Variants in PPRC1 observed in about 807,000 individuals in gnomAD.
The protein encoded by PPRC1 is peroxisome proliferator-activated receptor gamma coactivator-related protein 1.
Under a neutral mutation model 132.5 loss-of-function variants are expected in PPRC1, and 23 were observed. The observed-to-expected ratio is 0.17, with a 90% CI of 0.12 to 0.25. The LOEUF is 0.25. Among genes scored for constraint, PPRC1 ranks in the 10% least tolerant of loss-of-function variants. The pLI is 1.00. For synonymous variants in PPRC1, 872 were observed against 833.5 expected, an observed-to-expected ratio of 1.05 and a Z score of -0.80; for missense variants, 2,006 against 2,089.1, an observed-to-expected ratio of 0.96 and a Z score of 0.78.
intron 1 of PPRC1, among the ~76,000 whole-genome samples, chr10:102,136,849 C>G (rs1458185833): frequency 6.6e-6 from 1 of 152,198 alleles, no homozygotes; most frequent in African/African-American, 2.4e-5. Context: ...ACACTCTTGA[C>G]AGGTCTGGGC....
intron 2 of PPRC1, 145 bp from the exon 3 acceptor site, chr10:102,138,474 C>A: frequency 2.0e-6 from 2 of 990,580 alleles, no homozygotes; most frequent in Admixed American, 2.7e-5. Flanking sequence ...GATTGGAATC[C>A]ATGCCTTCTG....
chr10:102,149,876 T>C, intron 13 of PPRC1, 50 bp from the exon 14 acceptor site: 1 of 1,400,504 alleles, frequency 7.1e-7, no homozygotes, highest in Non-Finnish European at 1.0e-6. Flanking sequence ...GCAGACCCTG[T>C]GGTTGGGAAG....
intron 7 of PPRC1, chr10:102,144,596 T>A: frequency 1.9e-6 from 1 of 513,434 alleles, no homozygotes; most frequent in South Asian, 2.4e-5. Flanking sequence ...ATTTCTTTCT[T>A]TCATTTAATA....
chr10:102,120,499 G>C, the PPRC1 span: 1 of 496,800 alleles, frequency 2.0e-6, no homozygotes. Flanking sequence ...GCCCAAGCCG[G>C]GCAGGGCCGG....
chr10:102,124,358 C>T, the PPRC1 span, among the ~76,000 whole-genome samples: 4 of 150,090 alleles, frequency 2.7e-5, no homozygotes, highest in South Asian at 2.1e-4. Context: ...CCACCGCGCC[C>T]GGCCTTCTTT....
the PPRC1 span, among the ~76,000 whole-genome samples, chr10:102,125,479 C>T: frequency 4.0e-5 from 6 of 151,818 alleles, no homozygotes; most frequent in African/African-American, 9.7e-5. Context: ...AGGATGATCT[C>T]GATCTCTTGA....
Position 102,141,838 on chromosome 10 carries a change from G to A in PPRC1, c.3330G>A (p.Arg1110=), listed in dbSNP as rs1170417669. Residue 1110 remains arginine (R), a synonymous_variant, in exon 5 of 14, where the codon AGG becomes AGA. Transcript: ENST00000278070. The part of the protein sequence containing the change: ...LKPETQETRP[R]EKPPLPATKA... ...CTGAGACCCAAGAGACCAGGCCCAG[G>A]GAGAAGCCCCCCTTGCCTGCTACCA... 1 of 1,614,046 alleles carries A rather than the reference G, an allele frequency of 6.2e-7. No homozygotes were observed. The highest frequency in any genetic ancestry group is 8.5e-7 in the Non-Finnish European group (1 of 1,179,988).
chr10:102,120,333 C>T, the PPRC1 span: 1 of 984,362 alleles, frequency 1.0e-6, no homozygotes, highest in Non-Finnish European at 1.2e-6. Context: ...GCGGCCTCTG[C>T]GTGTGTGCGC....
chr10:102,124,787 T>C, the PPRC1 span, among the ~76,000 whole-genome samples: 7 of 151,524 alleles, frequency 4.6e-5, no homozygotes, highest in Admixed American at 2.0e-4. Flanking sequence ...GGACTATAGG[T>C]ACACACCACT....
At chr10:102,147,806 G>A (rs191776783) in intron 9 of PPRC1, among the ~76,000 whole-genome samples, 1 of 152,252 alleles carries the variant, frequency 6.6e-6, no homozygotes. Context: ...GTTCCTTTGG[G>A]TGTCACTATG....
Position 102,139,726 on chromosome 10 carries a change from C to A in PPRC1, c.1218C>A (p.Thr406=). 1 of 1,614,104 alleles carries A rather than the reference C, an allele frequency of 6.2e-7. No individual in the cohort carries two copies. Among genetic ancestry groups the A allele is most frequent in the Non-Finnish European group, 8.5e-7 (1 of 1,180,044 alleles). ...SETEAAVPKV[T]LCSEKEGLSL... ...CAGAGGCTGCTGTGCCCAAGGTAACCCTCTGCTCTGAGAAAGAGGGGTTGT... is the reference window on the plus strand; with the variant it reads ...CAGAGGCTGCTGTGCCCAAGGTAACACTCTGCTCTGAGAAAGAGGGGTTGT... The change falls in exon 5 of 14, where the codon ACC becomes ACA. Residue 406 remains threonine, a synonymous_variant. Coordinates refer to ENST00000278070, the MANE Select transcript of PPRC1 (RefSeq NM_015062.5).
At chr10:102,135,981 C>T (rs902023663) in intron 1 of PPRC1, among the ~76,000 whole-genome samples, 1 of 152,118 alleles carries the variant, frequency 6.6e-6, no homozygotes, top group African/African-American at 2.4e-5. Flanking sequence ...GTGTCTCTGA[C>T]TGGACACCTG....
Position 102,147,390 on chromosome 10 carries a change from A to G in PPRC1, c.4398A>G (p.Arg1466=). ...TCTCCCCCCCACACAAGAGGTGGCG[A>G]AGGTGAGCTTTGATGGCCCTGTAGG... The part of the protein sequence containing the change: ...RSLSPPHKRW[R]RSSCSSSGRS... The change falls in exon 9 of 14, where the codon CGA becomes CGG. Residue 1466 remains arginine (R), a splice_region_variant and synonymous_variant. Transcript: ENST00000278070. The G allele has an allele frequency of 6.2e-7, 1 of 1,600,524 alleles. No individual in the cohort carries two copies. Among genetic ancestry groups the G allele is most frequent in the East Asian group, 2.2e-5 (1 of 44,752 alleles).
Position 102,138,732 on chromosome 10 carries a change from G to A in PPRC1, c.456G>A (p.Ser152=), listed in dbSNP as rs779161716. The change falls in exon 3 of 14, where the codon TCG becomes TCA. Residue 152 remains serine (S), a synonymous_variant. Coordinates refer to ENST00000278070, the MANE Select transcript of PPRC1 (RefSeq NM_015062.5). ...NLSPFDSIPD[S]ELLVSPREGS... ...CTCCATTTGACAGCATTCCTGATTC[G>A]GAGCTGCTTGTGTCACCCCGGGAGG... 6 of 1,614,158 alleles carry A rather than the reference G, an allele frequency of 3.7e-6. No homozygotes were observed. Among genetic ancestry groups the A allele is most frequent in the Non-Finnish European group, 5.1e-6 (6 of 1,180,026 alleles).
chr10:102,121,042 T>C, the PPRC1 span, among the ~76,000 whole-genome samples: 1 of 152,070 alleles, frequency 6.6e-6, no homozygotes, highest in South Asian at 2.1e-4. Flanking sequence ...TAACCACTCC[T>C]CCTTTGCCTG....
chr10:102,140,886 C>T lies in PPRC1; in HGVS notation c.2378C>T (p.Pro793Leu). 1 of 1,614,098 alleles carries T rather than the reference C, an allele frequency of 6.2e-7. No individual in the cohort carries two copies. Among genetic ancestry groups the T allele is most frequent in the Non-Finnish European group, 8.5e-7 (1 of 1,180,022 alleles). The change falls in exon 5 of 14, where the codon CCT becomes CTT. Residue 793 changes from proline (P) to leucine (L), a missense_variant. Pro to Leu is a moderately conservative substitution (Grantham distance 98). Around this residue, in one of 2 missense-constraint regions of PPRC1, gnomAD observed 1,914 missense variants for 1,917.2 expected, o/e 1.00. Transcript: ENST00000278070. Reference sequence around the variant, plus strand: ...ACTCCCACAGGGCTGGCAGACATCCCTTGTCTTGTCATCCCACCAGCCCCA... The same window carrying T: ...ACTCCCACAGGGCTGGCAGACATCCTTTGTCTTGTCATCCCACCAGCCCCA... ...PETPTGLADI[P>L]CLVIPPAPAK...
At chr10:102,138,573 T>A in intron 2 of PPRC1, 46 bp from the exon 3 acceptor site, 1 of 1,602,150 alleles carries the variant, frequency 6.2e-7, no homozygotes, top group Non-Finnish European at 8.5e-7. Flanking sequence ...GCATAGTAGG[T>A]CATTAGGGAT....
Position 102,143,108 on chromosome 10 carries a change from C to T in PPRC1, c.3550+10C>T, listed in dbSNP as rs748071071. 2 of 1,610,882 alleles carry T rather than the reference C, an allele frequency of 1.2e-6. No individual in the cohort carries two copies. Among genetic ancestry groups the T allele is most frequent in the Non-Finnish European group, 1.7e-6 (2 of 1,177,094 alleles). ...TTTGAGAAATCAGAAGGTGAGGGAACATGGGTAGTTTTGCTCCAACTCTTT... is the reference window on the plus strand; with the variant it reads ...TTTGAGAAATCAGAAGGTGAGGGAATATGGGTAGTTTTGCTCCAACTCTTT... On this transcript the variant is annotated intron_variant, in intron 6 of 13. Coordinates refer to ENST00000278070, the MANE Select transcript of PPRC1 (RefSeq NM_015062.5).
Position 102,141,928 on chromosome 10 carries a change from A to G in PPRC1, c.3420A>G (p.Leu1140=). 4 of 1,614,138 alleles carry G rather than the reference A, an allele frequency of 2.5e-6. No individual in the cohort carries two copies. The highest frequency in any genetic ancestry group is 2.5e-6 in the Non-Finnish European group (3 of 1,180,000). Reference sequence around the variant, plus strand: ...TGCCTGCTGTCCACCCAGCCCGTCTAAGGAAGCTGTCCTTCCTGCCTACCC... The same window carrying G: ...TGCCTGCTGTCCACCCAGCCCGTCTGAGGAAGCTGTCCTTCCTGCCTACCC... ...PKLPAVHPAR[L]RKLSFLPTPR... The change falls in exon 5 of 14, where the codon CTA becomes CTG. Residue 1140 remains leucine (L), a synonymous_variant. Transcript: ENST00000278070.
Sources: gnomAD v4.1 joint callset for allele counts (sites outside exome capture counted in the v4.1 genomes callset) on GRCh38, gnomAD v4.1.1 for gene constraint, gnomAD v4.1.1 regional missense constraint, MANE v1.5 for transcripts, NCBI Gene and HGNC (gene_info 2026-07-23, HGNC 2026-07-21) for gene names.